Variants in RANBP3L observed in about 807,000 individuals in gnomAD.
RANBP3L encodes RAN binding protein 3 like.
In RANBP3L, 56 loss-of-function variants were observed where a neutral mutation model predicts 67.2. That is an observed-to-expected ratio of 0.83 (90% confidence interval 0.67 to 1.04). The LOEUF (loss-of-function observed/expected upper bound fraction) is 1.04. Among genes scored for constraint, RANBP3L ranks in the 50% least tolerant of loss-of-function variants. RANBP3L has a pLI of 0.00. For synonymous variants in RANBP3L, 164 were observed against 181.4 expected (o/e 0.90, Z 0.77); for missense variants, 496 against 535.5 (o/e 0.93, Z 0.73).
intron 1 of RANBP3L, among the ~76,000 whole-genome samples, chr5:36,298,028 C>T (rs9687623): frequency 2.8e-3 from 423 of 151,972 alleles, no homozygotes; most frequent in African/African-American, 9.3e-3. Flanking sequence ...GAGGTCAGTG[C>T]GGTGGCTTAT....
chr5:36,300,902 A>C (rs1301369963), intron 1 of RANBP3L, among the ~76,000 whole-genome samples: 1 of 152,200 alleles, frequency 6.6e-6, no homozygotes, highest in Non-Finnish European at 1.5e-5. Flanking sequence ...TCCCACAATG[A>C]ATGAGCCAGA....
intron 8 of RANBP3L, 107 bp from the exon 9 acceptor site, chr5:36,257,663 A>G: frequency 2.1e-6 from 1 of 480,728 alleles, no homozygotes; most frequent in Non-Finnish European, 3.7e-6. Context: ...CACAGCAAGC[A>G]AACCTAGCTG....
intron 4 of RANBP3L, chr5:36,268,351 A>T (rs1426750446): frequency 1.2e-6 from 1 of 837,810 alleles, no homozygotes; most frequent in African/African-American, 1.8e-5. Context: ...TTTTGGAAAA[A>T]TTTCTGTATC....
chr5:36,292,970 G>A (rs1032192201), intron 1 of RANBP3L, among the ~76,000 whole-genome samples: 2 of 139,186 alleles, frequency 1.4e-5, no homozygotes, highest in African/African-American at 5.4e-5. Context: ...GGATGGCATT[G>A]AATCTGTAAA....
At chr5:36,291,697 A>G (rs1751790624) in intron 1 of RANBP3L, among the ~76,000 whole-genome samples, 1 of 147,748 alleles carries the variant, frequency 6.8e-6, no homozygotes, top group African/African-American at 2.5e-5. Flanking sequence ...ATAATTTCCA[A>G]TTTCATCCAT....
At chr5:36,251,108 A>G (rs952903473) in intron 13 of RANBP3L, among the ~76,000 whole-genome samples, 2 of 152,142 alleles carry the variant, frequency 1.3e-5, no homozygotes. Flanking sequence ...AGGCATCACC[A>G]TGAAGCTGAC....
intron 1 of RANBP3L, among the ~76,000 whole-genome samples, chr5:36,299,473 T>C (rs563661746): frequency 9.9e-4 from 151 of 152,092 alleles, no homozygotes; most frequent in African/African-American, 3.6e-3. Context: ...GTATTATTTT[T>C]CACCTATAAA....
At position 36,274,501 on chromosome 5, in the gene RANBP3L, A is replaced by G. The variant is rs181640595; in HGVS notation, c.92-3190T>C. 3.2e-3 allele frequency among the ~76,000 whole-genome samples: 487 copies of G among 152,152 alleles called. 4 individuals are homozygous for G. Among genetic ancestry groups the G allele is most frequent in the African/African-American group, 0.011 (455 of 41,504 alleles). On this transcript the variant is annotated intron_variant, in intron 1 of 13. Transcript: ENST00000296604. ...CAAGCAGAGGGAAAAGCAAGAGGAA[A>G]GTCTCTGAGGAAGGCTGGAGCTTGG...
intron 4 of RANBP3L, among the ~76,000 whole-genome samples, chr5:36,267,543 CTG>C (rs1387911261): frequency 6.6e-6 from 1 of 151,540 alleles, no homozygotes; most frequent in Non-Finnish European, 1.5e-5. Context: ...AGAAAAAACT[CTG>C]TAGTTCCTGG....
At chr5:36,268,705 G>A (rs572264835) in intron 4 of RANBP3L, among the ~76,000 whole-genome samples, 1 of 151,956 alleles carries the variant, frequency 6.6e-6, no homozygotes, top group African/African-American at 2.4e-5. Context: ...TATTTAAATA[G>A]GCGGTTACTT....
intron 4 of RANBP3L, chr5:36,268,282 C>T: frequency 6.6e-7 from 1 of 1,507,286 alleles, no homozygotes; most frequent in Non-Finnish European, 8.9e-7. Flanking sequence ...AAGCAGATTG[C>T]AAACTAAAGT....
intron 1 of RANBP3L, among the ~76,000 whole-genome samples, chr5:36,298,709 G>A (rs967405571): frequency 6.6e-6 from 1 of 152,226 alleles, no homozygotes; most frequent in African/African-American, 2.4e-5. Flanking sequence ...GACTGCATTA[G>A]CATGCTTCAC....
At chr5:36,293,090 G>C (rs1330164536) in intron 1 of RANBP3L, among the ~76,000 whole-genome samples, 3 of 110,988 alleles carry the variant, frequency 2.7e-5, no homozygotes, top group African/African-American at 1.1e-4. Flanking sequence ...GCAGTGGTTT[G>C]TAGTTCTCCT....
intron 10 of RANBP3L, among the ~76,000 whole-genome samples, chr5:36,256,126 A>T (rs1348592454): frequency 1.3e-5 from 2 of 152,126 alleles, no homozygotes; most frequent in Non-Finnish European, 2.9e-5. Context: ...GAGAAGTAGG[A>T]TGTGATACCA....
At chr5:36,277,422 C>CTCTCTATATA (rs377029015) in intron 1 of RANBP3L, among the ~76,000 whole-genome samples, 10 of 115,262 alleles carry the variant, frequency 8.7e-5, no homozygotes, top group South Asian at 3.1e-4. Flanking sequence ...CTCTCTCTCT[C>CTCTCTATATA]TATATATATA....
chr5:36,259,582 T>TA (rs201276304), intron 8 of RANBP3L, among the ~76,000 whole-genome samples: 47,013 of 140,050 alleles, frequency 0.34, 8,682 homozygotes, highest in South Asian at 0.49. Context: ...GACCTCATCT[T>TA]AAAAAAAAAA....
intron 1 of RANBP3L, among the ~76,000 whole-genome samples, chr5:36,278,810 TA>T (rs1480776432): frequency 6.6e-6 from 1 of 152,190 alleles, no homozygotes. Context: ...TTGAAGCAAT[TA>T]ATGATTTCTT....
intron 1 of RANBP3L, among the ~76,000 whole-genome samples, chr5:36,294,112 T>G (rs970480335): frequency 2.4e-4 from 37 of 152,300 alleles, no homozygotes; most frequent in African/African-American, 8.7e-4. Flanking sequence ...ATTCAACTTC[T>G]TCCTGGTTTA....
At chr5:36,272,127 GAA>G (rs76755106) in intron 1 of RANBP3L, among the ~76,000 whole-genome samples, 6 of 148,296 alleles carry the variant, frequency 4.0e-5, no homozygotes, top group South Asian at 2.1e-4. Context: ...TTCCTCATCT[GAA>G]AAAAAAAAAT....
Sources: gnomAD v4.1 joint callset for allele counts (sites outside exome capture counted in the v4.1 genomes callset) on GRCh38, gnomAD v4.1.1 for gene constraint, MANE v1.5 for transcripts, NCBI Gene and HGNC (gene_info 2026-07-23, HGNC 2026-07-21) for gene names.